CPA6: variants seen among roughly 807,000 people sequenced by gnomAD.
CPA6 encodes carboxypeptidase B.
Under a neutral mutation model 63.3 loss-of-function variants are expected in CPA6, and 58 were observed. The observed-to-expected ratio is 0.92, with a 90% CI of 0.74 to 1.14. The LOEUF (loss-of-function observed/expected upper bound fraction) is 1.14. CPA6 is among the 50% of genes most tolerant of loss of function. CPA6 has a pLI of 0.00. For missense variants in CPA6, 565 were observed against 526.6 expected (o/e 1.07, Z -0.71); for synonymous variants, 185 against 179.0 (o/e 1.03, Z -0.27).
At chr8:67,655,162 A>T (rs1671068284) in intron 1 of CPA6, among the ~76,000 whole-genome samples, 1 of 152,144 alleles carries the variant, frequency 6.6e-6, no homozygotes, top group Non-Finnish European at 1.5e-5. Flanking sequence ...TATAACAGGG[A>T]TTCTTACTGA....
At chr8:67,510,444 T>C (rs575962512) in intron 4 of CPA6, among the ~76,000 whole-genome samples, 17 of 152,172 alleles carry the variant, frequency 1.1e-4, no homozygotes, top group Non-Finnish European at 2.1e-4. Flanking sequence ...ACATACATTA[T>C]GCATATCTAT....
At position 67,598,006 on chromosome 8, in the gene CPA6, G is replaced by A. The variant is rs1356906542; in HGVS notation, c.192+26170C>T. ...TGAAATCACCTTAAACTAATTTTAG[G>A]ATGTGAGATTTTTCTGGACCATTGA... On this transcript the variant is annotated intron_variant, in intron 2 of 10. Coordinates refer to ENST00000297770, the MANE Select transcript of CPA6 (RefSeq NM_020361.5). 1.3e-5 allele frequency among the ~76,000 whole-genome samples: 2 copies of A among 152,184 alleles called. 1 individual carries two copies. Among genetic ancestry groups the A allele is most frequent in the Non-Finnish European group, 2.9e-5 (2 of 68,026 alleles).
intron 6 of CPA6, among the ~76,000 whole-genome samples, chr8:67,487,644 CGTT>C (rs901832353): frequency 1.3e-5 from 2 of 152,192 alleles, no homozygotes; most frequent in African/African-American, 4.8e-5. Flanking sequence ...CTTCCACAAT[CGTT>C]GAACTAGTTT....
chr8:67,743,231 T>C (rs1240628254), intron 1 of CPA6, among the ~76,000 whole-genome samples: 1 of 152,196 alleles, frequency 6.6e-6, no homozygotes, highest in Non-Finnish European at 1.5e-5. Context: ...GCCTTGTAAG[T>C]GTTTAATGTA....
At position 67,684,449 on chromosome 8, in the gene CPA6, C is replaced by T. The variant is rs528795795; in HGVS notation, c.117-60198G>A. Among the ~76,000 whole-genome samples the T allele has an allele frequency of 9.2e-5, 14 of 152,164 alleles. No individual in the cohort carries two copies. In the East Asian group the frequency reaches 2.7e-3, roughly 29 times the overall value. On this transcript the variant is annotated intron_variant, in intron 1 of 10. Coordinates refer to ENST00000297770, the MANE Select transcript of CPA6 (RefSeq NM_020361.5). ...GCTTCGAGGTGATGGGGTGTAGAAC[C>T]TCTTCCCTTAAGTTCTCACCTCCCT... is the stretch of plus-strand genomic sequence containing the variant.
chr8:67,443,863 C>T (rs73260525), intron 8 of CPA6, among the ~76,000 whole-genome samples: 10,294 of 152,066 alleles, frequency 0.068, 799 homozygotes, highest in African/African-American at 0.19. Flanking sequence ...ACGGTACCAA[C>T]GGGGTGCATC....
At chr8:67,528,019 G>T (rs1035411093) in intron 2 of CPA6, among the ~76,000 whole-genome samples, 47 of 152,240 alleles carry the variant, frequency 3.1e-4, no homozygotes, top group African/African-American at 1.1e-3. Context: ...CACAGCTTTG[G>T]TAACTCCCCC....
chr8:67,697,158 A>G (rs1781979688), intron 1 of CPA6, among the ~76,000 whole-genome samples: 2 of 152,098 alleles, frequency 1.3e-5, no homozygotes, highest in South Asian at 4.1e-4. Flanking sequence ...GCTCTGTTGT[A>G]CTTGTGGGGG....
intron 1 of CPA6, among the ~76,000 whole-genome samples, chr8:67,731,387 T>C (rs1299489242): frequency 2.0e-5 from 3 of 152,226 alleles, no homozygotes; most frequent in Non-Finnish European, 2.9e-5. Flanking sequence ...CTGGTGCCCA[T>C]CCTCTCACTT....
intron 2 of CPA6, among the ~76,000 whole-genome samples, chr8:67,520,725 C>T (rs1587517263): frequency 1.3e-5 from 2 of 152,316 alleles, no homozygotes; most frequent in East Asian, 3.9e-4. Context: ...TTCATAGAGG[C>T]TAAGTCACTT....
chr8:67,454,775 G>C (rs543283104), intron 8 of CPA6, among the ~76,000 whole-genome samples: 1 of 152,178 alleles, frequency 6.6e-6, no homozygotes, highest in Non-Finnish European at 1.5e-5. Context: ...ACACTTCAGC[G>C]ATTTAACTTC....
intron 6 of CPA6, among the ~76,000 whole-genome samples, chr8:67,490,337 G>A (rs770954809): frequency 6.6e-6 from 1 of 152,128 alleles, no homozygotes; most frequent in African/African-American, 2.4e-5. Flanking sequence ...ACACTGAAAA[G>A]GAGATGCCCA....
chr8:67,582,841 CCTT>C (rs773456056), intron 2 of CPA6, among the ~76,000 whole-genome samples: 3 of 152,234 alleles, frequency 2.0e-5, no homozygotes, highest in Non-Finnish European at 4.4e-5. Context: ...CTCTTCAAAA[CCTT>C]CTCTTATTTA....
chr8:67,665,000 T>G (rs1386252261), intron 1 of CPA6, among the ~76,000 whole-genome samples: 1 of 152,104 alleles, frequency 6.6e-6, no homozygotes. Context: ...CAGAAAGCAA[T>G]GGTTACAGTA....
At chr8:67,660,305 A>G (rs921151848) in intron 1 of CPA6, among the ~76,000 whole-genome samples, 1 of 146,870 alleles carries the variant, frequency 6.8e-6, no homozygotes, top group African/African-American at 2.5e-5. Context: ...GCACATGGTA[A>G]AAGTTAATTA....
intron 8 of CPA6, among the ~76,000 whole-genome samples, chr8:67,466,044 C>G (rs1396650780): frequency 1.4e-5 from 2 of 145,180 alleles, no homozygotes; most frequent in Admixed American, 1.4e-4. Flanking sequence ...AGCTCTTCTT[C>G]TGGCAGAATG....
intron 8 of CPA6, among the ~76,000 whole-genome samples, chr8:67,480,529 C>T (rs1035363432): frequency 5.3e-5 from 8 of 152,142 alleles, no homozygotes; most frequent in African/African-American, 1.4e-4. Context: ...AAATAATATT[C>T]CATTCTATAA....
intron 8 of CPA6, among the ~76,000 whole-genome samples, chr8:67,437,776 A>G (rs1341080711): frequency 6.6e-6 from 1 of 152,234 alleles, no homozygotes; most frequent in East Asian, 1.9e-4. Context: ...AGTAAAGAAT[A>G]GGAAAAATGA....
intron 8 of CPA6, among the ~76,000 whole-genome samples, chr8:67,448,316 T>A (rs1286306297): frequency 6.6e-6 from 1 of 152,176 alleles, no homozygotes; most frequent in African/African-American, 2.4e-5. Context: ...ACATTTTAAA[T>A]TTCATATAAT....
Sources: gnomAD v4.1 joint callset for allele counts (sites outside exome capture counted in the v4.1 genomes callset) on GRCh38, gnomAD v4.1.1 for gene constraint, MANE v1.5 for transcripts, NCBI Gene and HGNC (gene_info 2026-07-23, HGNC 2026-07-21) for gene names.